The following ZBTB44 variants were observed in gnomAD, a reference collection of about 807,000 sequenced individuals.
ZBTB44 encodes zinc finger and BTB domain-containing protein 44.
Under a neutral mutation model 54.0 loss-of-function variants are expected in ZBTB44, and 15 were observed. That is an observed-to-expected ratio of 0.28 (90% CI 0.19 to 0.43). The LOEUF (loss-of-function observed/expected upper bound fraction) is 0.43, where lower values mean the gene tolerates loss of function less well. ZBTB44 is among the 20% of genes least tolerant of loss of function. ZBTB44 has a pLI of 1.00. For synonymous variants in ZBTB44, 230 were observed against 250.1 expected (o/e 0.92, Z 0.76); for missense variants, 487 against 707.1 (o/e 0.69, Z 3.53).
Position 130,260,771 on chromosome 11 carries a change from G to A in ZBTB44, c.1018+85C>T, listed in dbSNP as rs910409110. 15 of 1,428,096 alleles carry A rather than the reference G, an allele frequency of 1.1e-5. No homozygotes were observed. In the East Asian group the frequency reaches 1.4e-4, roughly 13 times the overall value. The allele number at this position is 1,428,096 out of a possible 1,614,324, so 88.5% of individuals were successfully genotyped here. On this transcript the variant is annotated intron_variant, in intron 2 of 7. Coordinates refer to ENST00000357899, the MANE Select transcript of ZBTB44 (RefSeq NM_001301098.2). The stretch of plus-strand genomic sequence containing the variant: ...TCTTCTTTATATTTCCTATATGACC[G>A]AGCACAAAACTTTTTATCTAACAGG...
In ZBTB44 at chr11:130,235,666, TA is replaced by T. The variant is rs756869897; in HGVS notation, c.1568+1126del. 4.7e-3 allele frequency among the ~76,000 whole-genome samples: 658 copies of T among 141,408 alleles called. 1 individual carries two copies. Among genetic ancestry groups the T allele is most frequent in the Non-Finnish European group, 4.8e-3 (307 of 64,392 alleles). The allele number at this position is 141,408 out of a possible 152,430, so 92.8% of individuals were successfully genotyped here. ...CACTGCAAGACCCTATCTATTCAAT[TA>T]AAAAAAAAAAAGGTTTTAAAAATAA... On this transcript the variant is annotated intron_variant, in intron 5 of 7. Coordinates refer to ENST00000357899, the MANE Select transcript of ZBTB44 (RefSeq NM_001301098.2).
At chr11:130,268,221 T>TAAAAAA (rs1157408386) in intron 1 of ZBTB44, among the ~76,000 whole-genome samples, 43 of 141,020 alleles carry the variant, frequency 3.0e-4, no homozygotes, top group African/African-American at 7.4e-4. Flanking sequence ...CACGTCTAAT[T>TAAAAAA]TAAAAAAAAA....
At chr11:130,290,149 C>T (rs74493556) in intron 1 of ZBTB44, among the ~76,000 whole-genome samples, 5,018 of 152,246 alleles carry the variant, frequency 0.033, 256 homozygotes, top group African/African-American at 0.11. Context: ...AGACTTGGCA[C>T]ACACAGGAGA....
chr11:130,235,039 G>T (rs1028504007), intron 5 of ZBTB44, among the ~76,000 whole-genome samples: 10 of 152,070 alleles, frequency 6.6e-5, no homozygotes, highest in African/African-American at 2.2e-4. Context: ...TTTGGTAATT[G>T]AAACTAAGTA....
chr11:130,305,194 T>C (rs901877189), intron 1 of ZBTB44, among the ~76,000 whole-genome samples: 29 of 152,184 alleles, frequency 1.9e-4, no homozygotes, highest in African/African-American at 7.0e-4. Flanking sequence ...AAATGCAATC[T>C]ACAGATTTAA....
At chr11:130,246,268 C>T (rs942097676) in intron 2 of ZBTB44, among the ~76,000 whole-genome samples, 1 of 152,090 alleles carries the variant, frequency 6.6e-6, no homozygotes, top group African/African-American at 2.4e-5. Flanking sequence ...AGAATATATA[C>T]ACATATATAT....
intron 2 of ZBTB44, among the ~76,000 whole-genome samples, chr11:130,252,530 AAC>A (rs1158992696): frequency 6.6e-6 from 1 of 152,240 alleles, no homozygotes; most frequent in African/African-American, 2.4e-5. Context: ...TTGGAAGTAA[AAC>A]ACACCTCAGC....
At chr11:130,253,805 C>CCTGACTT in intron 2 of ZBTB44, among the ~76,000 whole-genome samples, 1 of 152,190 alleles carries the variant, frequency 6.6e-6, no homozygotes, top group South Asian at 2.1e-4. Context: ...CACCACACTA[C>CCTGACTT]CTGACTTCAA....
chr11:130,260,812 G>T, intron 2 of ZBTB44, 44 bp downstream of exon 2: 1 of 1,526,470 alleles, frequency 6.6e-7, no homozygotes, highest in South Asian at 1.3e-5. Flanking sequence ...AAAAATGTTT[G>T]AATTGACTTT....
At chr11:130,287,391 T>G (rs1341172641) in intron 1 of ZBTB44, among the ~76,000 whole-genome samples, 2 of 152,228 alleles carry the variant, frequency 1.3e-5, no homozygotes, top group African/African-American at 4.8e-5. Flanking sequence ...AATGGACTTG[T>G]GTGGTCATGT....
intron 1 of ZBTB44, among the ~76,000 whole-genome samples, chr11:130,266,304 C>A (rs963953137): frequency 2.6e-5 from 4 of 152,318 alleles, no homozygotes; most frequent in African/African-American, 9.6e-5. Context: ...CGACTGCTCA[C>A]AAGACTGCTT....
At chr11:130,235,075 CTTTATTTAAATCTTTAT>C (rs146696251) in intron 5 of ZBTB44, among the ~76,000 whole-genome samples, 18,435 of 152,102 alleles carry the variant, frequency 0.12, 1,280 homozygotes, top group African/African-American at 0.2. Context: ...ATCTTAGAGG[CTTTATTTAAATCTTTAT>C]TACTGAACTA....
intron 1 of ZBTB44, among the ~76,000 whole-genome samples, chr11:130,294,714 A>G (rs530126181): frequency 1.3e-5 from 2 of 152,302 alleles, no homozygotes; most frequent in Admixed American, 1.3e-4. Flanking sequence ...TAACTCCCAC[A>G]TGCTTAGTGT....
chr11:130,260,739 G>A (rs988694969), intron 2 of ZBTB44, 117 bp downstream of exon 2: 4 of 1,200,934 alleles, frequency 3.3e-6, no homozygotes, highest in Non-Finnish European at 4.5e-6. Context: ...CAGTTACCAT[G>A]TTTTACTCTT....
chr11:130,309,855 C>T (rs1942487208), intron 1 of ZBTB44, among the ~76,000 whole-genome samples: 1 of 146,910 alleles, frequency 6.8e-6, no homozygotes, highest in Non-Finnish European at 1.5e-5. Flanking sequence ...GAGATCGAGC[C>T]ACTGCATTCC....
intron 1 of ZBTB44, among the ~76,000 whole-genome samples, chr11:130,268,839 C>G (rs1021971769): frequency 1.3e-5 from 2 of 151,584 alleles, no homozygotes; most frequent in Non-Finnish European, 2.9e-5. Flanking sequence ...CTCAGCCTCC[C>G]AAAGCGCTGG....
chr11:130,293,706 G>C (rs12292881), intron 1 of ZBTB44, among the ~76,000 whole-genome samples: 4 of 151,858 alleles, frequency 2.6e-5, no homozygotes, highest in Admixed American at 1.3e-4. Flanking sequence ...TGAGGCAGGA[G>C]AATCAGTTGA....
intron 1 of ZBTB44, among the ~76,000 whole-genome samples, chr11:130,298,455 GTTTTTTTTTTTTT>G (rs996057514): frequency 2.6e-5 from 3 of 116,342 alleles, no homozygotes; most frequent in African/African-American, 9.5e-5. Context: ...AAAAGTTGAA[GTTTTTTTTTTTTT>G]TTTTTTTTTT....
chr11:130,279,152 TC>T lies in ZBTB44; in HGVS notation c.-56-17224del, dbSNP rs1342064285. Among the ~76,000 whole-genome samples the T allele has an allele frequency of 2.0e-5, 3 of 152,208 alleles. No individual in the cohort carries two copies. The East Asian group carries it at 5.8e-4, about 29-fold the overall frequency. ...CCGAATTATTTTAGCAAAGTCTATT[TC>T]CCCACTTCCCCAACCTCCACAATGC... On this transcript the variant is annotated intron_variant, in intron 1 of 7. Transcript: ENST00000357899.
Sources: allele counts gnomAD v4.1 joint callset (sites outside exome capture counted in the v4.1 genomes callset), GRCh38; gene constraint gnomAD v4.1.1; transcripts MANE v1.5; gene names NCBI Gene and HGNC (gene_info 2026-07-23, HGNC 2026-07-21).